KIAA0586: variants seen among roughly 807,000 people sequenced by gnomAD.
KIAA0586 encodes KIAA0586.
KIAA0586 carries 144 observed loss-of-function variants against 169.8 expected under a neutral mutation model. The observed-to-expected ratio is 0.85, with a 90% CI of 0.74 to 0.97. KIAA0586 has a LOEUF of 0.97. Ranked by LOEUF, KIAA0586 falls within the 50% of genes least tolerant of loss-of-function variation. The pLI is 0.00. For missense variants in KIAA0586, 1,854 were observed against 1,823.0 expected, an observed-to-expected ratio of 1.02 and a Z score of -0.31; for synonymous variants, 625 against 612.4, an observed-to-expected ratio of 1.02 and a Z score of -0.30.
At chr14:58,429,598 G>C (rs188451334) in intron 2 of KIAA0586, among the ~76,000 whole-genome samples, 165 bp downstream of exon 2, 2 of 152,236 alleles carry the variant, frequency 1.3e-5, no homozygotes, top group East Asian at 3.9e-4. Context: ...AATGGTGTTT[G>C]AGACATTAAA....
chr14:58,547,684 G>GGCCCC, intron 30 of KIAA0586, 97 bp from the exon 31 acceptor site: 2 of 946,968 alleles, frequency 2.1e-6, no homozygotes, highest in Non-Finnish European at 1.6e-6. Flanking sequence ...TGGAATCCGC[G>GGCCCC]CCCCCCCACC....
intron 7 of KIAA0586, among the ~76,000 whole-genome samples, chr14:58,449,073 T>C (rs1021089863): frequency 6.6e-6 from 1 of 152,256 alleles, no homozygotes; most frequent in Non-Finnish European, 1.5e-5. Context: ...ATAAATGTTT[T>C]TCTAAGTTAT....
rs563531719 is a variant in KIAA0586, at chr14:58,450,585, T to C, written c.968T>C (p.Leu323Ser). ...YNTFASKQAPLKEVEDTSFDK... is the reference protein window; with the variant it reads ...YNTFASKQAPSKEVEDTSFDK... ...AAAAAATTTTCTGTTAAAGCACCTTTAAAAGAAGTTGAAGATACGAGTTTT... is the reference window on the plus strand; with the variant it reads ...AAAAAATTTTCTGTTAAAGCACCTTCAAAAGAAGTTGAAGATACGAGTTTT... Residue 323 changes from leucine to serine, a missense_variant, in exon 8 of 31, where the codon TTA (leucine) becomes TCA (serine). Transcript: ENST00000652326. The C allele has an allele frequency of 1.4e-5, 22 of 1,598,534 alleles. No individual in the cohort carries two copies. In the South Asian group the frequency reaches 2.2e-4, roughly 16 times the overall value.
At chr14:58,476,758 C>T (rs980337770) in intron 19 of KIAA0586, among the ~76,000 whole-genome samples, 1 of 150,856 alleles carries the variant, frequency 6.6e-6, no homozygotes, top group Non-Finnish European at 1.5e-5. Flanking sequence ...GCCTCAACCT[C>T]GTGGGCTCAA....
intron 8 of KIAA0586, among the ~76,000 whole-genome samples, chr14:58,452,917 T>A (rs183156745): frequency 6.7e-6 from 1 of 149,548 alleles, no homozygotes; most frequent in South Asian, 2.1e-4. Context: ...TTGTAGGCTA[T>A]AAATTTTTTT....
Position 58,444,549 on chromosome 14 carries a change from A to G in KIAA0586, c.807+374A>G, listed in dbSNP as rs532711948. The stretch of plus-strand genomic sequence containing the variant: ...GGAGATTTTCCTGCCTCAGCCTCCC[A>G]TATAGTTGGGATTACAGGCGCACAC... On this transcript the variant is annotated intron_variant, in intron 6 of 30. Transcript: ENST00000652326. 1.5e-3 allele frequency among the ~76,000 whole-genome samples: 224 copies of G among 152,044 alleles called. 2 individuals carry two copies. Among genetic ancestry groups the G allele is most frequent in the Middle Eastern group, 6.8e-3 (2 of 294 alleles).
At chr14:58,484,926 T>TATATA (rs2042334607) in intron 21 of KIAA0586, among the ~76,000 whole-genome samples, 2 of 8,118 alleles carry the variant, frequency 2.5e-4, no homozygotes, top group Non-Finnish European at 5.6e-4. Flanking sequence ...ATATATATAT[T>TATATA]TTTTTTTTTT....
the KIAA0586 span, among the ~76,000 whole-genome samples, chr14:58,558,255 G>GA: frequency 6.6e-6 from 1 of 152,088 alleles, no homozygotes; most frequent in African/African-American, 2.4e-5. Flanking sequence ...TAGATAAAAT[G>GA]AAATAGTTTT....
Position 58,550,312 on chromosome 14 carries a change from T to C in KIAA0586, c.*2380T>C, listed in dbSNP as rs2047170666. The C allele has an allele frequency of 6.6e-6, 1 of 152,236 alleles. No individual in the cohort carries two copies. Among genetic ancestry groups the C allele is most frequent in the Non-Finnish European group, 1.5e-5 (1 of 68,080 alleles). 9.4% of individuals were successfully genotyped at this position (152,236 alleles called of 1,614,324 possible). ...CGCGCCCGGCATTCATCTAGTATTTTGTTTTATAGGATTATTTCTGTTCAT... is the reference window on the plus strand; with the variant it reads ...CGCGCCCGGCATTCATCTAGTATTTCGTTTTATAGGATTATTTCTGTTCAT... On this transcript the variant is annotated 3_prime_UTR_variant, in exon 31 of 31. Transcript: ENST00000652326.
Position 58,477,121 on chromosome 14 carries a change from AG to A in KIAA0586, c.2827del. On this transcript the variant is annotated splice_acceptor_variant, in intron 19 of 30. Transcript: ENST00000652326. LOFTEE classifies it high-confidence loss of function. Reference sequence around the variant, plus strand: ...CTTTTATCTGCCCCACCATCCTCTCAGGGTAGAGCAAGAAATAATGTCAAGA... The same window carrying A: ...CTTTTATCTGCCCCACCATCCTCTCAGGTAGAGCAAGAAATAATGTCAAGA... The A allele has an allele frequency of 6.6e-7, 1 of 1,511,920 alleles. No homozygotes were observed. The highest frequency in any genetic ancestry group is 9.0e-7 in the Non-Finnish European group (1 of 1,105,650). 93.7% of individuals were successfully genotyped at this position (1,511,920 alleles called of 1,614,324 possible). A position where few individuals can be genotyped will look rare whatever the true frequency, so the allele number is the denominator to read the frequency against.
chr14:58,467,015 C>T (rs2040823726), intron 15 of KIAA0586, among the ~76,000 whole-genome samples: 1 of 152,224 alleles, frequency 6.6e-6, no homozygotes, highest in Non-Finnish European at 1.5e-5. Flanking sequence ...CCTTTAGTGT[C>T]ATTGCTGTTC....
At chr14:58,493,357 C>T (rs923622548) in intron 26 of KIAA0586, among the ~76,000 whole-genome samples, 8 of 152,036 alleles carry the variant, frequency 5.3e-5, no homozygotes, top group African/African-American at 1.7e-4. Context: ...GTTTGATATA[C>T]ACATTATATT....
Position 58,461,012 on chromosome 14 carries a change from A to G in KIAA0586, c.1911A>G (p.Ile637Met). The change falls in exon 14 of 31, where the codon ATA becomes ATG. Residue 637 changes from isoleucine to methionine, a missense_variant. Coordinates refer to ENST00000652326, the MANE Select transcript of KIAA0586 (RefSeq NM_001329943.3). ...GGCTTTTGAAAGCAACCACAGTAAT[A>G]CAAGATGAAGATTATATGTTACAAG... ...KEGLLKATTVIQDEDYMLQVY... is the reference protein window; with the variant it reads ...KEGLLKATTVMQDEDYMLQVY... 6.2e-7 allele frequency: 1 copy of G among 1,607,876 alleles called. No individual in the cohort carries two copies. Among genetic ancestry groups the G allele is most frequent in the Non-Finnish European group, 8.5e-7 (1 of 1,177,900 alleles).
chr14:58,480,349 A>T (rs866014511), intron 20 of KIAA0586, among the ~76,000 whole-genome samples: 1,045 of 20,882 alleles, frequency 0.05, 13 homozygotes, highest in African/African-American at 0.086. Flanking sequence ...CCTCTTTTAA[A>T]AAAAAAAAAA....
chr14:58,537,836 A>T (rs1481397816), intron 29 of KIAA0586, among the ~76,000 whole-genome samples: 3 of 151,934 alleles, frequency 2.0e-5, no homozygotes, highest in Admixed American at 6.6e-5. Context: ...TTTAGTAGAG[A>T]TGGGGTTTCA....
chr14:58,485,107 A>T (rs1192366170), intron 21 of KIAA0586, among the ~76,000 whole-genome samples: 1 of 149,084 alleles, frequency 6.7e-6, no homozygotes, highest in African/African-American at 2.5e-5. Flanking sequence ...CATTTTTAGT[A>T]GAAACGGGGT....
chr14:58,442,977 T>A, intron 5 of KIAA0586, 97 bp downstream of exon 5: 1 of 871,080 alleles, frequency 1.1e-6, no homozygotes, highest in Non-Finnish European at 1.7e-6. Context: ...AGTTATAGAC[T>A]AGGAACATTG....
At chr14:58,440,463 C>G (rs969660766) in intron 4 of KIAA0586, among the ~76,000 whole-genome samples, 1 of 152,172 alleles carries the variant, frequency 6.6e-6, no homozygotes, top group Non-Finnish European at 1.5e-5. Context: ...TCCTGAGTAG[C>G]TGGTATTACA....
At chr14:58,464,160 G>C in intron 14 of KIAA0586, 1 of 382,120 alleles carries the variant, frequency 2.6e-6, no homozygotes. Flanking sequence ...CCACACAAAA[G>C]AGTTGAGGGT....
Sources: gnomAD v4.1 joint callset for allele counts (sites outside exome capture counted in the v4.1 genomes callset) on GRCh38, gnomAD v4.1.1 for gene constraint, MANE v1.5 for transcripts, NCBI Gene and HGNC (gene_info 2026-07-23, HGNC 2026-07-21) for gene names.